ANKLE2: variants seen among roughly 807,000 people sequenced by gnomAD.
ANKLE2 encodes ankyrin repeat and LEM domain containing 2.
ANKLE2 carries 55 observed loss-of-function variants against 84.2 expected under a neutral mutation model. The ratio of observed to expected loss-of-function variants is 0.65; its 90% CI spans 0.53 to 0.82. The LOEUF (loss-of-function observed/expected upper bound fraction) is 0.82. Among genes scored for constraint, ANKLE2 ranks in the 40% least tolerant of loss-of-function variants. The probability of loss-of-function intolerance (pLI) is 0.00; values close to 1 mark genes in which losing one functional copy is unlikely to be tolerated. For synonymous variants in ANKLE2, 551 were observed against 486.1 expected, an observed-to-expected ratio of 1.13 and a Z score of -1.76; for missense variants, 1,238 against 1,201.9, an observed-to-expected ratio of 1.03 and a Z score of -0.44.
At position 132,735,584 on chromosome 12, in the gene ANKLE2, G is replaced by A. The variant is rs191051585; in HGVS notation, c.1594-72C>T. On this transcript the variant is annotated intron_variant, in intron 8 of 12. Transcript: ENST00000357997. The stretch of plus-strand genomic sequence containing the variant: ...CTCAGCTGCGGAAACCTGAAGAGCC[G>A]TCGTCATCGCAGTAGCTGCCTGTCT... 6.4e-5 allele frequency: 80 copies of A among 1,259,310 alleles called. No homozygotes were observed. In the East Asian group the frequency reaches 7.9e-4, roughly 12 times the overall value. 78.0% of individuals were successfully genotyped at this position (1,259,310 alleles called of 1,614,324 possible).
intron 12 of ANKLE2, 107 bp from the exon 13 acceptor site, chr12:132,727,550 A>G: frequency 7.8e-7 from 1 of 1,279,712 alleles, no homozygotes; most frequent in Middle Eastern, 1.9e-4. Flanking sequence ...GCCCGGGCGG[A>G]GGAGAGGCAC....
Position 132,726,222 on chromosome 12 carries a change from C to T in ANKLE2, c.*1020G>A, listed in dbSNP as rs1211624640. The stretch of plus-strand genomic sequence containing the variant: ...CGACCTCCAGGCAGCACCTCCTGAA[C>T]ACCTCAGCGGCTCCTCACACATTCC... On this transcript the variant is annotated 3_prime_UTR_variant, in exon 13 of 13. Transcript: ENST00000357997. The T allele has an allele frequency of 6.5e-6, 1 of 153,860 alleles. No individual in the cohort carries two copies. The highest frequency in any genetic ancestry group is 1.5e-5 in the Non-Finnish European group (1 of 68,290). The allele number at this position is 153,860 out of a possible 1,614,324, so 9.5% of individuals were successfully genotyped here. A position where few individuals can be genotyped will look rare whatever the true frequency, so the allele number is the denominator to read the frequency against.
chr12:132,732,211 ATACGCAC>A (rs2043870843), intron 10 of ANKLE2: 1 of 114,280 alleles, frequency 8.8e-6, no homozygotes. Flanking sequence ...CTGGTGTCTG[ATACGCAC>A]CGTGTGAAGT....
intron 6 of ANKLE2, chr12:132,741,935 A>G: frequency 2.3e-6 from 1 of 432,172 alleles, no homozygotes; most frequent in Non-Finnish European, 4.6e-6. Context: ...GCCACTAAAG[A>G]AATCAACTTT....
At position 132,729,679 on chromosome 12, in the gene ANKLE2, C is replaced by T; in HGVS notation, c.2483G>A (p.Gly828Glu). 1 of 1,595,532 alleles carries T rather than the reference C, an allele frequency of 6.3e-7. No individual in the cohort carries two copies. Among genetic ancestry groups the T allele is most frequent in the Middle Eastern group, 1.8e-4 (1 of 5,618 alleles). ...REPARRLFLF[G>E]EEPSKLDQDV... The stretch of plus-strand genomic sequence containing the variant: ...AGTGCAGAGGGCAACACACTCCTAC[C>T]CAAAAAGGAAGAGCCGCCTGGCCGG... Residue 828 changes from glycine (G) to glutamate (E), a missense_variant and splice_region_variant, in exon 11 of 13, where the codon GGA becomes GAA. Gly to Glu is a moderately conservative substitution (Grantham distance 98). Coordinates refer to ENST00000357997, the MANE Select transcript of ANKLE2 (RefSeq NM_015114.3).
intron 1 of ANKLE2, 178 bp downstream of exon 1, chr12:132,761,440 C>A (rs930257187): frequency 2.0e-6 from 1 of 492,352 alleles, no homozygotes; most frequent in Non-Finnish European, 3.1e-6. Context: ...GAAGCCAAGT[C>A]CCCGCAACTG....
intron 1 of ANKLE2, chr12:132,755,950 T>A (rs1406380016): frequency 6.6e-6 from 1 of 152,018 alleles, no homozygotes; most frequent in Non-Finnish European, 1.5e-5. Context: ...GTTCAAGCGG[T>A]TCTCCTGCCT....
intron 3 of ANKLE2, among the ~76,000 whole-genome samples, chr12:132,749,642 C>T (rs547694194): frequency 6.6e-6 from 1 of 152,306 alleles, no homozygotes; most frequent in Non-Finnish European, 1.5e-5. Context: ...CCAGGGAAGC[C>T]CAGACAACTG....
intron 1 of ANKLE2, chr12:132,755,459 C>T (rs151308571): frequency 1.8e-4 from 37 of 201,830 alleles, no homozygotes; most frequent in African/African-American, 2.4e-4. Flanking sequence ...GCTGGAGAAT[C>T]GCTTGAACCC....
Position 132,735,323 on chromosome 12 carries a change from G to T in ANKLE2, c.1700+83C>A. 2.4e-6 allele frequency: 3 copies of T among 1,254,108 alleles called. No homozygotes were observed. The South Asian group carries it at 3.6e-5, about 15-fold the overall frequency. 77.7% of individuals were successfully genotyped at this position (1,254,108 alleles called of 1,614,324 possible). ...AAAGCCTTCTGGAAATTGGTACTTTGAAGCTGTGATTTGACCTTCTGTCAT... is the reference window on the plus strand; with the variant it reads ...AAAGCCTTCTGGAAATTGGTACTTTTAAGCTGTGATTTGACCTTCTGTCAT... On this transcript the variant is annotated intron_variant, in intron 9 of 12. Transcript: ENST00000357997.
Position 132,741,419 on chromosome 12 carries a change from C to A in ANKLE2, c.1420G>T (p.Gly474Cys), listed in dbSNP as rs756743829. ...TCCAGGCACCAACTCCCCATCTTACCCTTTAAATACTCTCTGATCCGCTCC... is the reference window on the plus strand; with the variant it reads ...TCCAGGCACCAACTCCCCATCTTACACTTTAAATACTCTCTGATCCGCTCC... Reference protein sequence around the residue: ...LKERIREYLKGHYYVPLLRAE... With the variant: ...LKERIREYLKCHYYVPLLRAE... The change falls in exon 7 of 13, where the codon GGC becomes TGC. Residue 474 changes from glycine (G) to cysteine (C), a missense_variant and splice_region_variant. Coordinates refer to ENST00000357997, the MANE Select transcript of ANKLE2 (RefSeq NM_015114.3). 27 of 1,614,070 alleles carry A rather than the reference C, an allele frequency of 1.7e-5. No individual in the cohort carries two copies. Among genetic ancestry groups the A allele is most frequent in the Non-Finnish European group, 2.3e-5 (27 of 1,180,030 alleles).
At chr12:132,749,895 G>A (rs1223814447) in intron 3 of ANKLE2, among the ~76,000 whole-genome samples, 3 of 152,182 alleles carry the variant, frequency 2.0e-5, no homozygotes, top group South Asian at 2.1e-4. Flanking sequence ...CCAAAAAGGC[G>A]CAGGGGCTCA....
intron 3 of ANKLE2, among the ~76,000 whole-genome samples, chr12:132,750,339 T>C (rs559952239): frequency 1.3e-5 from 2 of 151,012 alleles, no homozygotes; most frequent in African/African-American, 2.4e-5. Context: ...TGGGCCATGA[T>C]AGCACCAGAC....
chr12:132,734,862 C>A, intron 9 of ANKLE2: 1 of 421,418 alleles, frequency 2.4e-6, no homozygotes, highest in South Asian at 2.8e-5. Context: ...ACCCAGGTCA[C>A]ACAGTTCAAC....
intron 2 of ANKLE2, among the ~76,000 whole-genome samples, chr12:132,754,170 G>C (rs992561628): frequency 3.3e-5 from 5 of 152,068 alleles, no homozygotes; most frequent in Non-Finnish European, 7.4e-5. Flanking sequence ...TAAACTGGGA[G>C]GGGAGAGGTT....
Position 132,753,048 on chromosome 12 carries a change from G to A in ANKLE2, c.640+1627C>T, listed in dbSNP as rs1290731925. Among the ~76,000 whole-genome samples, 4 of 151,546 alleles carry A rather than the reference G, an allele frequency of 2.6e-5. No individual in the cohort carries two copies. In the East Asian group the frequency reaches 7.8e-4, roughly 30 times the overall value. On this transcript the variant is annotated intron_variant, in intron 2 of 12. Coordinates refer to ENST00000357997, the MANE Select transcript of ANKLE2 (RefSeq NM_015114.3). ...GGTGTGGCCAGGCGAGGTGGCTCAC[G>A]CCTGTAATCCCAGCACTTCGGGAGG...
chr12:132,743,366 T>C lies in ANKLE2; in HGVS notation c.1231-90A>G. ...AAATACATATTCATTCATTCATTCA[T>C]TCATTTATTTATTTTGAGACGGAGT... On this transcript the variant is annotated intron_variant, in intron 5 of 12. Coordinates refer to ENST00000357997, the MANE Select transcript of ANKLE2 (RefSeq NM_015114.3). The surrounding 1 kb of genome is among the most constrained non-coding windows in gnomAD (Gnocchi z 4.1). 1.4e-6 allele frequency: 2 copies of C among 1,428,110 alleles called. No homozygotes were observed. The highest frequency in any genetic ancestry group is 2.5e-5 in the East Asian group (1 of 39,308). 88.5% of individuals were successfully genotyped at this position (1,428,110 alleles called of 1,614,324 possible).
At position 132,728,160 on chromosome 12, in the gene ANKLE2, C is replaced by T. The variant is rs777772436; in HGVS notation, c.2487G>A (p.Glu829=). The change falls in exon 12 of 13, where the codon GAG becomes GAA. Residue 829 remains glutamate, a synonymous_variant. Coordinates refer to ENST00000357997, the MANE Select transcript of ANKLE2 (RefSeq NM_015114.3). The part of the protein sequence containing the change: ...EPARRLFLFG[E]EPSKLDQDVL... ...CATCCTGATCGAGTTTTGATGGCTC[C>T]TCTCTAGAAAGCACAATAAAAGAAG... 1.2e-6 allele frequency: 2 copies of T among 1,611,972 alleles called. No homozygotes were observed. Among genetic ancestry groups the T allele is most frequent in the Non-Finnish European group, 1.7e-6 (2 of 1,179,768 alleles).
chr12:132,748,032 C>T lies in ANKLE2; in HGVS notation c.1042-12G>A. The T allele has an allele frequency of 1.3e-6, 2 of 1,596,288 alleles. No homozygotes were observed. Among genetic ancestry groups the T allele is most frequent in the South Asian group, 2.2e-5 (2 of 89,584 alleles). On this transcript the variant is annotated splice_polypyrimidine_tract_variant and intron_variant, in intron 4 of 12. Coordinates refer to ENST00000357997, the MANE Select transcript of ANKLE2 (RefSeq NM_015114.3). The stretch of plus-strand genomic sequence containing the variant: ...TACCTGCACCCTTCCTGAAAGAGAA[C>T]CGCATGCTCTGAGCTTCCTATCTGA...
Sources: gnomAD v4.1 joint callset for allele counts (sites outside exome capture counted in the v4.1 genomes callset) on GRCh38, gnomAD v4.1.1 for gene constraint, Gnocchi (gnomAD v3.1) non-coding constraint, MANE v1.5 for transcripts, NCBI Gene and HGNC (gene_info 2026-07-23, HGNC 2026-07-21) for gene names.